The following SPTBN2 variants were observed in gnomAD, a reference collection of about 807,000 sequenced individuals.
The protein encoded by SPTBN2 is spectrin beta, non-erythrocytic 2.
A neutral mutation model predicts 284.2 loss-of-function variants in SPTBN2; 107 were observed. That is an observed-to-expected ratio of 0.38 (90% confidence interval 0.32 to 0.44). The LOEUF is 0.44. Ranked by LOEUF, SPTBN2 falls within the 20% of genes least tolerant of loss-of-function variation. The pLI is 1.00. For missense variants in SPTBN2, 2,569 were observed against 3,287.1 expected, an observed-to-expected ratio of 0.78 and a Z score of 5.34; for synonymous variants, 1,289 against 1,354.8, an observed-to-expected ratio of 0.95 and a Z score of 1.07.
chr11:66,686,919 TG>T, intron 36 of SPTBN2, 74 bp downstream of exon 36: 1 of 1,600,140 alleles, frequency 6.2e-7, no homozygotes. Context: ...CCCCTCCCTC[TG>T]GACCTGACTC....
In SPTBN2 at chr11:66,701,612, C is replaced by CAAT. The variant is rs1195200911; in HGVS notation, c.2785_2787dup (p.Ile929dup). Reference sequence around the variant, plus strand: ...TGGTTGAGCTGCTCCTGGGTGTTGACAATGCGGTCTTTGCCTGGGGGGTTG... The same window carrying CAAT: ...TGGTTGAGCTGCTCCTGGGTGTTGACAATAATGCGGTCTTTGCCTGGGGGGTTG... On this transcript the variant is annotated inframe_insertion, in exon 16 of 38. Transcript: ENST00000533211. The CAAT allele has an allele frequency of 1.1e-5, 18 of 1,614,130 alleles. No individual in the cohort carries two copies. The highest frequency in any genetic ancestry group is 1.5e-5 in the Non-Finnish European group (18 of 1,180,030).
Position 66,708,604 on chromosome 11 carries a change from A to G in SPTBN2, c.1191+298T>C, listed in dbSNP as rs892533652. Reference sequence around the variant, plus strand: ...ATCTTACAATATTGTGAAAAAAATAAAAGAAGGGATAGTGAGTTGGGGACA... The same window carrying G: ...ATCTTACAATATTGTGAAAAAAATAGAAGAAGGGATAGTGAGTTGGGGACA... On this transcript the variant is annotated intron_variant, in intron 11 of 37. Transcript: ENST00000533211. This position sits in a 1 kb window ranked among gnomAD's most constrained non-coding sequence, Gnocchi z 4.4. Among the ~76,000 whole-genome samples the G allele has an allele frequency of 6.6e-6, 1 of 152,222 alleles. No individual in the cohort carries two copies. The highest frequency in any genetic ancestry group is 2.4e-5 in the African/African-American group (1 of 41,456).
intron 1 of SPTBN2, among the ~76,000 whole-genome samples, chr11:66,723,538 T>C (rs986839965): frequency 2.6e-5 from 4 of 152,126 alleles, no homozygotes; most frequent in Non-Finnish European, 5.9e-5. Flanking sequence ...GCCCCTCCCC[T>C]TTCTCCTAAA....
Position 66,714,364 on chromosome 11 carries a change from T to C in SPTBN2, c.527A>G (p.Lys176Arg). The change falls in exon 6 of 38, where the codon AAG becomes AGG. Residue 176 changes from lysine to arginine, a missense_variant. Coordinates refer to ENST00000533211, the MANE Select transcript of SPTBN2 (RefSeq NM_006946.4). ...SVETEDNKEK[K>R]SAKDALLLWC... ...CAGAAGCAGGGCATCCTTGGCTGAC[T>C]TCTTCTCCTTGTTGTCTTCTGTCTC... is the stretch of plus-strand genomic sequence containing the variant. The C allele has an allele frequency of 7.4e-6, 12 of 1,614,054 alleles. No individual in the cohort carries two copies. Among genetic ancestry groups the C allele is most frequent in the Non-Finnish European group, 8.5e-6 (10 of 1,179,994 alleles).
chr11:66,701,584 C>A lies in SPTBN2; in HGVS notation c.2816G>T (p.Arg939Met). 1 of 1,614,150 alleles carries A rather than the reference C, an allele frequency of 6.2e-7. No individual in the cohort carries two copies. The highest frequency in any genetic ancestry group is 8.5e-7 in the Non-Finnish European group (1 of 1,180,022). Reference sequence around the variant, plus strand: ...CCTGGTCCTGCCCTCCCAAACCCACCTGTGGTTGAGCTGCTCCTGGGTGTT... The same window carrying A: ...CCTGGTCCTGCCCTCCCAAACCCACATGTGGTTGAGCTGCTCCTGGGTGTT... ...IVNTQEQLNHRWQQFRRLADG... is the reference protein window; with the variant it reads ...IVNTQEQLNHMWQQFRRLADG... The change falls in exon 16 of 38, where the codon AGG (arginine) becomes ATG (methionine). Residue 939 changes from arginine (R) to methionine (M), a missense_variant and splice_region_variant. Physicochemically the swap from Arg to Met is moderately conservative, Grantham distance 91. Transcript: ENST00000533211.
In SPTBN2 at chr11:66,705,342, C is replaced by T. The variant is rs536915281; in HGVS notation, c.1934G>A (p.Arg645His). The T allele has an allele frequency of 5.9e-5, 95 of 1,610,876 alleles. No homozygotes were observed. Among genetic ancestry groups the T allele is most frequent in the Admixed American group, 3.8e-4 (23 of 60,004 alleles). Residue 645 changes from arginine (R) to histidine (H), a missense_variant, in exon 15 of 38, where the codon CGT becomes CAT. Physicochemically the swap from Arg to His is conservative, Grantham distance 29 (BLOSUM62 0). Coordinates refer to ENST00000533211, the MANE Select transcript of SPTBN2 (RefSeq NM_006946.4). ...ARLEESRRLW[R>H]FLWEVGEAEA... Reference sequence around the variant, plus strand: ...AGCTTCACCCACCTCCCAGAGGAAACGCCAGAGCCGCCGTGATTCCTCCAG... The same window carrying T: ...AGCTTCACCCACCTCCCAGAGGAAATGCCAGAGCCGCCGTGATTCCTCCAG...
At chr11:66,688,543 G>A in intron 31 of SPTBN2, 110 bp downstream of exon 31, 1 of 1,485,028 alleles carries the variant, frequency 6.7e-7, no homozygotes, top group Non-Finnish European at 9.2e-7. Context: ...GCTCACATCT[G>A]GGGGCCACTG....
At position 66,721,361 on chromosome 11, in the gene SPTBN2, T is replaced by A; in HGVS notation, c.-34A>T. On this transcript the variant is annotated 5_prime_UTR_variant, in exon 2 of 38. Coordinates refer to ENST00000533211, the MANE Select transcript of SPTBN2 (RefSeq NM_006946.4). ...TCTTCTTGCCCTACCTGTGCTCCGC[T>A]CTCCTTGTGGCCAGAGGCTGCGGTT... 7.2e-7 allele frequency: 1 copy of A among 1,381,008 alleles called. No individual in the cohort carries two copies. The highest frequency in any genetic ancestry group is 1.0e-6 in the Non-Finnish European group (1 of 978,170). 85.5% of individuals were successfully genotyped at this position (1,381,008 alleles called of 1,614,324 possible).
At chr11:66,728,124 C>T (rs1196478982) in intron 1 of SPTBN2, 1 of 148,146 alleles carries the variant, frequency 6.8e-6, no homozygotes, top group Non-Finnish European at 1.5e-5. Context: ...CGCCGCCCCG[C>T]GGGCCGGGAC....
upstream of SPTBN2, among the ~76,000 whole-genome samples, chr11:66,729,915 C>T (rs149717715): frequency 1.2e-3 from 178 of 152,266 alleles, 1 homozygote; most frequent in East Asian, 0.025. Flanking sequence ...AATTTTCCTG[C>T]CTCAGCCTCC....
intron 20 of SPTBN2, among the ~76,000 whole-genome samples, chr11:66,697,926 T>A (rs1050309443): frequency 6.6e-6 from 1 of 152,194 alleles, no homozygotes. Flanking sequence ...ACTGGTCTCC[T>A]TTTGTCCCAA....
intron 21 of SPTBN2, 44 bp downstream of exon 21, chr11:66,696,233 T>C: frequency 6.2e-7 from 1 of 1,603,436 alleles, no homozygotes; most frequent in Non-Finnish European, 8.5e-7. Context: ...CTGCAGCCCC[T>C]TTCTTCTGCT....
In SPTBN2 at chr11:66,690,241, A is replaced by G. The variant is rs568647255; in HGVS notation, c.5608T>C (p.Tyr1870His). Reference protein sequence around the residue: ...QDDGHRLQKAYAGDKAEEIGR... With the variant: ...QDDGHRLQKAHAGDKAEEIGR... Reference sequence around the variant, plus strand: ...ATCTCCTCAGCCTTGTCTCCAGCGTAGGCCTTCTGGAGCCGGTGGCCGTCG... The same window carrying G: ...ATCTCCTCAGCCTTGTCTCCAGCGTGGGCCTTCTGGAGCCGGTGGCCGTCG... The change falls in exon 28 of 38, where the codon TAC becomes CAC. Residue 1870 changes from tyrosine to histidine, a missense_variant. By Grantham distance (83) the Tyr-to-His change is moderately conservative. Transcript: ENST00000533211. 1 of 1,612,742 alleles carries G rather than the reference A, an allele frequency of 6.2e-7. No homozygotes were observed. Among genetic ancestry groups the G allele is most frequent in the South Asian group, 1.1e-5 (1 of 91,024 alleles).
At chr11:66,699,135 A>G (rs900152566) in intron 18 of SPTBN2, 53 bp from the exon 19 acceptor site, 1 of 1,607,814 alleles carries the variant, frequency 6.2e-7, no homozygotes, top group African/African-American at 1.3e-5. Context: ...AAGGATTGTG[A>G]CCCTTTGGCT....
At position 66,687,935 on chromosome 11, in the gene SPTBN2, C is replaced by T; in HGVS notation, c.6451-17G>A. On this transcript the variant is annotated splice_polypyrimidine_tract_variant and intron_variant, in intron 33 of 37. Transcript: ENST00000533211. The surrounding 1 kb of genome is among the most constrained non-coding windows in gnomAD (Gnocchi z 5.2). ...CAGCAGGGGCTGCAAGGACAAGAAT[C>T]TGTAAAAGGATGTGCGGGGGTGGAG... The T allele has an allele frequency of 6.2e-7, 1 of 1,614,212 alleles. No homozygotes were observed. Among genetic ancestry groups the T allele is most frequent in the Non-Finnish European group, 8.5e-7 (1 of 1,180,042 alleles).
chr11:66,738,008 A>C (rs1942866487), intron 1 of SPTBN2, among the ~76,000 whole-genome samples: 2 of 152,198 alleles, frequency 1.3e-5, no homozygotes, highest in African/African-American at 4.8e-5. Context: ...TGAGGTCAGG[A>C]GTTTGAGACC....
chr11:66,716,011 C>T, intron 3 of SPTBN2, 30 bp from the exon 4 acceptor site: 4 of 1,613,200 alleles, frequency 2.5e-6, no homozygotes, highest in Non-Finnish European at 3.4e-6. Flanking sequence ...TTATTTCTGT[C>T]CCTCGAGTTC....
At chr11:66,704,559 C>T (rs1304226936) in intron 15 of SPTBN2, 39 bp downstream of exon 15, 1 of 1,579,562 alleles carries the variant, frequency 6.3e-7, no homozygotes, top group Non-Finnish European at 8.6e-7. Flanking sequence ...CCACCCCCAC[C>T]TCCCAAGGCT....
At chr11:66,689,282 TC>T in intron 29 of SPTBN2, 102 bp from the exon 30 acceptor site, 1 of 1,306,570 alleles carries the variant, frequency 7.7e-7, no homozygotes, top group Non-Finnish European at 1.1e-6. Context: ...TTTCTTTCTT[TC>T]TTTTTTTTGA....
Sources: allele counts gnomAD v4.1 joint callset (sites outside exome capture counted in the v4.1 genomes callset), GRCh38; gene constraint gnomAD v4.1.1; non-coding constraint Gnocchi (gnomAD v3.1); transcripts MANE v1.5; gene names NCBI Gene and HGNC (gene_info 2026-07-23, HGNC 2026-07-21).